ASAH1: variants seen among roughly 807,000 people sequenced by gnomAD.
ASAH1 encodes N-acylsphingosine amidohydrolase 1.
In ASAH1, 70 loss-of-function variants were observed where a neutral mutation model predicts 59.5. That is an observed-to-expected ratio of 1.18 (90% CI 0.97 to 1.43). The LOEUF is 1.43. Among genes scored for constraint, ASAH1 ranks in the 40% most tolerant of loss-of-function variants. The pLI, the probability that ASAH1 is intolerant of heterozygous loss-of-function variation, is 0.00. For synonymous variants in ASAH1, 213 were observed against 166.5 expected (o/e 1.28, Z -2.15); for missense variants, 660 against 482.5 (o/e 1.37, Z -3.45).
intron 5 of ASAH1, chr8:18,066,451 G>A (rs1012905941): frequency 2.8e-5 from 4 of 144,078 alleles, no homozygotes; most frequent in Non-Finnish European, 6.0e-5. Context: ...TCAATAAACT[G>A]TTCAATCTCA....
rs1380486230 is a variant in ASAH1, at chr8:18,084,087, A to C, written c.-29T>G. 1.9e-6 allele frequency: 3 copies of C among 1,597,286 alleles called. No individual in the cohort carries two copies. Among genetic ancestry groups the C allele is most frequent in the Non-Finnish European group, 2.5e-6 (3 of 1,179,428 alleles). On this transcript the variant is annotated 5_prime_UTR_variant, in exon 1 of 14. Coordinates refer to ENST00000637790, the MANE Select transcript of ASAH1 (RefSeq NM_177924.5). ...TCTAGCAGCCAACGCCACTCCCCGG[A>C]CTCCAGCAGAGGCAAAGAAGAGCCG...
intron 1 of ASAH1, among the ~76,000 whole-genome samples, chr8:18,081,458 C>A (rs917359583): frequency 1.3e-5 from 2 of 152,152 alleles, no homozygotes; most frequent in African/African-American, 4.8e-5. Context: ...GGTTCCAGAT[C>A]CTCCCATTTT....
chr8:18,077,206 T>C (rs887332635), intron 1 of ASAH1, among the ~76,000 whole-genome samples: 7 of 152,242 alleles, frequency 4.6e-5, no homozygotes, highest in South Asian at 2.1e-4. Context: ...ATGAAGCTCA[T>C]GGTTTATATT....
At chr8:18,071,170 G>A (rs1453420174) in intron 3 of ASAH1, 130 bp downstream of exon 3, 10 of 386,404 alleles carry the variant, frequency 2.6e-5, no homozygotes, top group South Asian at 6.2e-5. Flanking sequence ...TCGTGCCACT[G>A]CATTCCAGCC....
Position 18,056,615 on chromosome 8 carries a change from T to C in ASAH1, c.*919A>G, listed in dbSNP as rs1430968359. 6.6e-6 allele frequency: 1 copy of C among 152,254 alleles called. No homozygotes were observed. The highest frequency in any genetic ancestry group is 1.5e-5 in the Non-Finnish European group (1 of 68,044). 9.4% of individuals were successfully genotyped at this position (152,254 alleles called of 1,614,324 possible). A position where few individuals can be genotyped will look rare whatever the true frequency, so the allele number is the denominator to read the frequency against. On this transcript the variant is annotated 3_prime_UTR_variant, in exon 14 of 14. Coordinates refer to ENST00000637790, the MANE Select transcript of ASAH1 (RefSeq NM_177924.5). ...TACTTTTCATAAGCAGTTTGATTTC[T>C]GAAAAATACAGTAACATAATTTTAG...
chr8:18,078,099 C>G (rs1274381644), intron 1 of ASAH1, among the ~76,000 whole-genome samples: 8 of 152,150 alleles, frequency 5.3e-5, no homozygotes, highest in Admixed American at 2.0e-4. Flanking sequence ...ACAGAATAAT[C>G]TGCGCGTAGT....
chr8:18,080,915 C>T (rs1211303827), intron 1 of ASAH1, among the ~76,000 whole-genome samples: 1 of 152,174 alleles, frequency 6.6e-6, no homozygotes, highest in Non-Finnish European at 1.5e-5. Flanking sequence ...GTGCAAGTTA[C>T]TTAGCCTTTG....
chr8:18,076,930 G>C lies in ASAH1; in HGVS notation c.79-1343C>G, dbSNP rs539008614. ...ACTGTAAGTTTCTCACATATGTCTGGCTTTGTCTGGTAATTTTGCGTTGAA... is the reference window on the plus strand; with the variant it reads ...ACTGTAAGTTTCTCACATATGTCTGCCTTTGTCTGGTAATTTTGCGTTGAA... On this transcript the variant is annotated intron_variant, in intron 1 of 13. Transcript: ENST00000637790. Among the ~76,000 whole-genome samples the C allele has an allele frequency of 2.6e-5, 4 of 152,316 alleles. No homozygotes were observed. The South Asian group carries it at 8.3e-4, about 32-fold the overall frequency.
Position 18,057,181 on chromosome 8 carries a change from G to C in ASAH1, c.*353C>G, listed in dbSNP as rs1316138577. 7.2e-6 allele frequency: 2 copies of C among 277,386 alleles called. No individual in the cohort carries two copies. Among genetic ancestry groups the C allele is most frequent in the South Asian group, 7.3e-5 (2 of 27,472 alleles). 17.2% of individuals were successfully genotyped at this position (277,386 alleles called of 1,614,324 possible). A position where few individuals can be genotyped will look rare whatever the true frequency, so the allele number is the denominator to read the frequency against. On this transcript the variant is annotated 3_prime_UTR_variant, in exon 14 of 14. Coordinates refer to ENST00000637790, the MANE Select transcript of ASAH1 (RefSeq NM_177924.5). ...TTACTGTCCCGTTACTCACACAGAC[G>C]TGCTGGATTCAACACCCACGCTGAA...
At position 18,067,289 on chromosome 8, in the gene ASAH1, G is replaced by A; in HGVS notation, c.313C>T (p.Leu105Phe). ...QVVDEKLPGL[L>F]GNFPGPFEEE... is the part of the protein sequence containing the mutation. ...TCAAAAGGGCCAGGAAAGTTGCCAA[G>A]TAGGCCAGGCTGGAAAACAAATATA... is the stretch of plus-strand genomic sequence containing the variant. Residue 105 changes from leucine to phenylalanine, a missense_variant, in exon 5 of 14, where the codon CTT becomes TTT. Coordinates refer to ENST00000637790, the MANE Select transcript of ASAH1 (RefSeq NM_177924.5). 2 of 1,595,678 alleles carry A rather than the reference G, an allele frequency of 1.3e-6. No homozygotes were observed. Among genetic ancestry groups the A allele is most frequent in the South Asian group, 1.2e-5 (1 of 86,392 alleles).
intron 8 of ASAH1, chr8:18,061,945 G>A (rs1046356926): frequency 1.2e-5 from 8 of 644,212 alleles, no homozygotes; most frequent in Non-Finnish European, 1.6e-5. Flanking sequence ...GGTATCACTG[G>A]CAACGCTTTT....
chr8:18,074,492 G>C (rs1029534563), intron 2 of ASAH1, among the ~76,000 whole-genome samples: 2 of 152,126 alleles, frequency 1.3e-5, no homozygotes, highest in African/African-American at 4.8e-5. Flanking sequence ...AATGTTGCAC[G>C]AACTGAAAAT....
intron 9 of ASAH1, 55 bp from the exon 10 acceptor site, chr8:18,061,513 G>C (rs1799698862): frequency 6.6e-7 from 1 of 1,506,538 alleles, no homozygotes; most frequent in Non-Finnish European, 9.2e-7. Flanking sequence ...TATGTAACCA[G>C]TCAGGACCCG....
intron 1 of ASAH1, among the ~76,000 whole-genome samples, chr8:18,080,471 T>C (rs1016414850): frequency 1.3e-5 from 2 of 152,304 alleles, no homozygotes; most frequent in Admixed American, 1.3e-4. Context: ...CCCAACATCA[T>C]AATACCACTG....
At chr8:18,058,946 C>T (rs761250571) in intron 12 of ASAH1, 55 bp from the exon 13 acceptor site, 2 of 1,468,452 alleles carry the variant, frequency 1.4e-6, no homozygotes, top group East Asian at 2.3e-5. Flanking sequence ...AGCCAACAGC[C>T]TTATCTACAC....
At chr8:18,062,865 GTTCTTTTT>G in intron 7 of ASAH1, 6 of 282,208 alleles carry the variant, frequency 2.1e-5, no homozygotes, top group South Asian at 1.3e-4. Flanking sequence ...ACAGTTCTGT[GTTCTTTTT>G]TTTTTTTTTT....
chr8:18,064,399 G>C, intron 6 of ASAH1, 58 bp downstream of exon 6: 1 of 1,301,398 alleles, frequency 7.7e-7, no homozygotes, highest in Non-Finnish European at 1.1e-6. Flanking sequence ...ATTTCATTTA[G>C]AAGATTTTTC....
intron 5 of ASAH1, 186 bp downstream of exon 5, chr8:18,067,034 T>C (rs1019848650): frequency 2.2e-6 from 1 of 448,878 alleles, no homozygotes; most frequent in South Asian, 6.0e-5. Context: ...CGTATCTTGA[T>C]CTGAGTCATG....
chr8:18,083,924 T>A, intron 1 of ASAH1, 57 bp downstream of exon 1: 3 of 1,561,740 alleles, frequency 1.9e-6, no homozygotes, highest in Middle Eastern at 1.7e-4. Context: ...CACCTGCGCC[T>A]CCATCCGCGC....
Sources: gnomAD v4.1 joint callset for allele counts (sites outside exome capture counted in the v4.1 genomes callset) on GRCh38, gnomAD v4.1.1 for gene constraint, MANE v1.5 for transcripts, NCBI Gene and HGNC (gene_info 2026-07-23, HGNC 2026-07-21) for gene names.